Variants in BLM observed in about 807,000 individuals in gnomAD.
BLM encodes recQ-like DNA helicase BLM.
In BLM, 95 loss-of-function variants were observed where a neutral mutation model predicts 135.3. The ratio of observed to expected loss-of-function variants is 0.70; its 90% confidence interval spans 0.59 to 0.83. The LOEUF is 0.83. BLM is among the 40% of genes least tolerant of loss of function. The pLI, the probability that BLM is intolerant of heterozygous loss-of-function variation, is 0.00. For missense variants in BLM, 1,518 were observed against 1,663.9 expected (o/e 0.91, Z 1.53); for synonymous variants, 520 against 589.2 (o/e 0.88, Z 1.70).
chr15:90,775,799 C>T (rs1036019323), intron 12 of BLM, among the ~76,000 whole-genome samples: 5 of 152,090 alleles, frequency 3.3e-5, no homozygotes, highest in Admixed American at 6.6e-5. Context: ...TGAGCCACCA[C>T]GCCCGGCCAT....
At chr15:90,717,677 C>T (rs1189948463) in intron 1 of BLM, among the ~76,000 whole-genome samples, 1 of 152,206 alleles carries the variant, frequency 6.6e-6, no homozygotes, top group Non-Finnish European at 1.5e-5. Flanking sequence ...TCTCCCGGGG[C>T]GTCGGAGGCC....
chr15:90,806,336 C>T (rs561634622), intron 19 of BLM, among the ~76,000 whole-genome samples: 37 of 152,162 alleles, frequency 2.4e-4, no homozygotes, highest in Middle Eastern at 3.4e-3. Flanking sequence ...CATGGTAAAA[C>T]CCCGTCTCTA....
At chr15:90,736,818 ACT>A (rs1349197069) in intron 1 of BLM, among the ~76,000 whole-genome samples, 1 of 152,088 alleles carries the variant, frequency 6.6e-6, no homozygotes, top group Non-Finnish European at 1.5e-5. Flanking sequence ...AAAATATGAG[ACT>A]CTAATGTCTG....
At chr15:90,765,601 A>T (rs1300603325) in intron 9 of BLM, among the ~76,000 whole-genome samples, 187 bp downstream of exon 9, 2 of 152,228 alleles carry the variant, frequency 1.3e-5, no homozygotes, top group Non-Finnish European at 2.9e-5. Flanking sequence ...TTATTCTACA[A>T]GAATGTATCT....
At chr15:90,746,324 T>C (rs1297403102) in intron 1 of BLM, among the ~76,000 whole-genome samples, 1 of 152,162 alleles carries the variant, frequency 6.6e-6, no homozygotes. Flanking sequence ...CACATGCCAG[T>C]GTGAATTATT....
chr15:90,810,452 A>G (rs1213829826), intron 20 of BLM, among the ~76,000 whole-genome samples: 2 of 152,216 alleles, frequency 1.3e-5, no homozygotes, highest in East Asian at 3.8e-4. Flanking sequence ...GCCATGGTGG[A>G]GTCCTGTGCC....
chr15:90,769,345 A>T (rs1896231696), intron 11 of BLM, 93 bp from the exon 12 acceptor site: 10 of 1,560,200 alleles, frequency 6.4e-6, no homozygotes, highest in Non-Finnish European at 7.1e-6. Context: ...TTTACTGAAG[A>T]ATAAGGTAGT....
intron 17 of BLM, among the ~76,000 whole-genome samples, chr15:90,802,276 A>G (rs541753240): frequency 3.3e-5 from 5 of 152,384 alleles, no homozygotes; most frequent in African/African-American, 1.2e-4. Flanking sequence ...ACTCTTTAAA[A>G]CAGAGCTAAA....
chr15:90,726,044 G>T (rs1018088583), intron 1 of BLM, among the ~76,000 whole-genome samples: 16 of 151,938 alleles, frequency 1.1e-4, no homozygotes, highest in African/African-American at 3.9e-4. Flanking sequence ...ACAATTTATG[G>T]GGTACATAGT....
Position 90,761,273 on chromosome 15 carries a change from T to C in BLM, c.1882+18T>C. On this transcript the variant is annotated intron_variant, in intron 7 of 21. Coordinates refer to ENST00000355112, the MANE Select transcript of BLM (RefSeq NM_000057.4). ...TTATACTGGTAAGTTTAAAATAAAT[T>C]GAATGCTTATATGAAAACAAAACTG... is the stretch of plus-strand genomic sequence containing the variant. The C allele has an allele frequency of 6.8e-7, 1 of 1,470,122 alleles. No homozygotes were observed. The highest frequency in any genetic ancestry group is 9.1e-7 in the Non-Finnish European group (1 of 1,101,528). 91.1% of individuals were successfully genotyped at this position (1,470,122 alleles called of 1,614,324 possible). A position where few individuals can be genotyped will look rare whatever the true frequency, so the allele number is the denominator to read the frequency against.
rs1418306226 is a variant in BLM, at chr15:90,751,883, A to G, written c.896A>G (p.Asp299Gly). ...TTTGATGATGATGATTATGATACGG[A>G]TTTTGTTCCACCTTCTCCAGAAGAA... ...IEFDDDDYDT[D>G]FVPPSPEEII... Residue 299 changes from aspartate to glycine, a missense_variant, in exon 4 of 22, where the codon GAT (aspartate) becomes GGT (glycine). This residue lies in a region of BLM where 724 missense variants were observed against 756.9 expected (regional missense o/e 0.96). Transcript: ENST00000355112. 8.1e-6 allele frequency: 13 copies of G among 1,613,272 alleles called. No homozygotes were observed. Among genetic ancestry groups the G allele is most frequent in the African/African-American group, 2.7e-5 (2 of 74,914 alleles).
intron 13 of BLM, among the ~76,000 whole-genome samples, chr15:90,784,327 CTTTTTTTTTT>C (rs769540432): frequency 2.9e-5 from 2 of 70,002 alleles, no homozygotes; most frequent in African/African-American, 6.8e-5. Context: ...AATGGCTTTT[CTTTTTTTTTT>C]TTTTTTTTTT....
chr15:90,752,046 C>A, intron 4 of BLM, 100 bp downstream of exon 4: 2 of 1,139,474 alleles, frequency 1.8e-6, no homozygotes, highest in Non-Finnish European at 1.2e-6. Context: ...GTATTTTGTG[C>A]TTTCTACAAT....
intron 12 of BLM, among the ~76,000 whole-genome samples, chr15:90,778,537 C>T (rs1025953082): frequency 1.3e-5 from 2 of 152,204 alleles, no homozygotes; most frequent in Non-Finnish European, 2.9e-5. Context: ...CCTCACATCC[C>T]CATCCTGCCA....
intron 19 of BLM, 165 bp from the exon 20 acceptor site, chr15:90,808,972 G>C: frequency 1.1e-6 from 1 of 873,646 alleles, no homozygotes; most frequent in Admixed American, 2.0e-5. Flanking sequence ...CCTGTCTGCT[G>C]CCTCTGAGGT....
At chr15:90,743,531 G>A (rs1231077779) in intron 1 of BLM, among the ~76,000 whole-genome samples, 1 of 151,548 alleles carries the variant, frequency 6.6e-6, no homozygotes, top group Non-Finnish European at 1.5e-5. Flanking sequence ...TATTGTGGAT[G>A]AACAATTTTT....
At position 90,799,031 on chromosome 15, in the gene BLM, G is replaced by C. The variant is rs141713747; in HGVS notation, c.3358+694G>C. Among the ~76,000 whole-genome samples the C allele has an allele frequency of 9.8e-3, 1,481 of 151,184 alleles. 40 individuals carry two copies. Among genetic ancestry groups the C allele is most frequent in the African/African-American group, 0.035 (1,422 of 41,100 alleles). ...CACACAAAAATTAGCCAGGTGTGGT[G>C]GTGGGCACCTGTAATCCCAGCTACT... is the stretch of plus-strand genomic sequence containing the variant. On this transcript the variant is annotated intron_variant, in intron 17 of 21. Transcript: ENST00000355112.
intron 15 of BLM, among the ~76,000 whole-genome samples, chr15:90,791,410 T>G (rs536584116): frequency 6.6e-6 from 1 of 152,278 alleles, no homozygotes; most frequent in Non-Finnish European, 1.5e-5. Context: ...ATACATACTT[T>G]ATATATATAA....
intron 1 of BLM, among the ~76,000 whole-genome samples, chr15:90,741,317 G>T (rs916007872): frequency 6.6e-6 from 1 of 152,128 alleles, no homozygotes; most frequent in African/African-American, 2.4e-5. Context: ...TTTTGCTAAA[G>T]AGAAATCAAT....
Sources: gnomAD v4.1 joint callset for allele counts (sites outside exome capture counted in the v4.1 genomes callset) on GRCh38, gnomAD v4.1.1 for gene constraint, gnomAD v4.1.1 regional missense constraint, MANE v1.5 for transcripts, NCBI Gene and HGNC (gene_info 2026-07-23, HGNC 2026-07-21) for gene names.